The following ASIC2 variants were observed in gnomAD, a reference collection of about 807,000 sequenced individuals.
The protein encoded by ASIC2 is acid-sensing ion channel 2.
In ASIC2, 25 loss-of-function variants were observed where a neutral mutation model predicts 57.3. The observed-to-expected ratio is 0.44, with a 90% CI of 0.32 to 0.61. The LOEUF is 0.61. Ranked by LOEUF, ASIC2 falls within the 20% of genes least tolerant of loss-of-function variation. ASIC2 has a pLI of 0.06. For synonymous variants in ASIC2, 319 were observed against 307.5 expected (o/e 1.04, Z -0.39); for missense variants, 641 against 738.1 (o/e 0.87, Z 1.52).
At chr17:33,599,726 G>C (rs1028075263) in intron 1 of ASIC2, among the ~76,000 whole-genome samples, 1 of 152,162 alleles carries the variant, frequency 6.6e-6, no homozygotes, top group Non-Finnish European at 1.5e-5. Flanking sequence ...GGGCTGTTCT[G>C]TGCTGAGGAG....
intron 1 of ASIC2, among the ~76,000 whole-genome samples, chr17:34,022,165 C>G (rs1475121832): frequency 6.6e-6 from 1 of 152,158 alleles, no homozygotes. Flanking sequence ...TTAAGCACCA[C>G]TTCCCTGGGG....
chr17:33,732,310 T>C (rs1165993132), intron 1 of ASIC2, among the ~76,000 whole-genome samples: 1 of 152,164 alleles, frequency 6.6e-6, no homozygotes, highest in Admixed American at 6.5e-5. Flanking sequence ...TTTTCTGAAT[T>C]CTTCCTTCAT....
At chr17:34,069,836 G>GA (rs1296483443) in intron 1 of ASIC2, 2 of 152,156 alleles carry the variant, frequency 1.3e-5, no homozygotes, top group Non-Finnish European at 2.9e-5. Flanking sequence ...TTTGAAAGTA[G>GA]AAAAAGCATG....
chr17:33,384,469 C>T lies in ASIC2; in HGVS notation c.556-272402G>A, dbSNP rs151245142. On this transcript the variant is annotated intron_variant, in intron 1 of 9. Transcript: ENST00000359872. Reference sequence around the variant, plus strand: ...AGTGTTATGGGAGGGATTATGATGTCGGAGGGAAGTATCAACTTCCAGGTG... The same window carrying T: ...AGTGTTATGGGAGGGATTATGATGTTGGAGGGAAGTATCAACTTCCAGGTG... Among the ~76,000 whole-genome samples the T allele has an allele frequency of 2.2e-4, 34 of 152,082 alleles. 1 individual carries two copies. The highest frequency in any genetic ancestry group is 8.3e-4 in the South Asian group (4 of 4,810).
rs114551602 is a variant in ASIC2, at chr17:34,056,555, A to G, written c.555+99423T>C. Reference sequence around the variant, plus strand: ...AGTAGCAGTACAATGGAAACAACTCAGATATTTTCTATGCCTGAGAAAATA... The same window carrying G: ...AGTAGCAGTACAATGGAAACAACTCGGATATTTTCTATGCCTGAGAAAATA... On this transcript the variant is annotated intron_variant, in intron 1 of 9. Coordinates refer to the ASIC2 transcript ENST00000359872. Among the ~76,000 whole-genome samples the G allele has an allele frequency of 2.9e-3, 445 of 152,350 alleles. 3 individuals carry two copies. Among genetic ancestry groups the G allele is most frequent in the African/African-American group, 0.01 (424 of 41,584 alleles).
rs150631383 is a variant in ASIC2 at position 33,364,379 on chromosome 17, A to G, written c.556-252312T>C. Among the ~76,000 whole-genome samples the G allele has an allele frequency of 4.4e-3, 675 of 152,220 alleles. 3 individuals carry two copies. The highest frequency in any genetic ancestry group is 0.017 in the Middle Eastern group (5 of 294). On this transcript the variant is annotated intron_variant, in intron 1 of 9. Coordinates refer to the ASIC2 transcript ENST00000359872. ...GGGTCAAAATGGGACTTACAAACCA[A>G]CTTCTGACTCCACTAATTTTTCTTG...
At chr17:33,718,146 C>A (rs1371000268) in intron 1 of ASIC2, among the ~76,000 whole-genome samples, 2 of 152,076 alleles carry the variant, frequency 1.3e-5, no homozygotes, top group African/African-American at 4.8e-5. Flanking sequence ...ATAACCTACA[C>A]ACATGCTCCT....
chr17:34,108,492 C>G (rs1450580347), intron 1 of ASIC2, among the ~76,000 whole-genome samples: 1 of 152,090 alleles, frequency 6.6e-6, no homozygotes, highest in Admixed American at 6.6e-5. Flanking sequence ...ATAACTTACC[C>G]TATTACCCTA....
intron 1 of ASIC2, among the ~76,000 whole-genome samples, chr17:34,136,425 T>C (rs1912128412): frequency 6.6e-6 from 1 of 152,200 alleles, no homozygotes; most frequent in Non-Finnish European, 1.5e-5. Flanking sequence ...CTGAAGCCCC[T>C]TACCTAGAGG....
intron 2 of ASIC2, among the ~76,000 whole-genome samples, chr17:33,101,289 C>A (rs1164310496): frequency 6.6e-6 from 1 of 152,202 alleles, no homozygotes; most frequent in African/African-American, 2.4e-5. Context: ...GTGATAGCTG[C>A]TCAGGCCTTC....
At chr17:33,635,144 G>T (rs1435996971) in intron 1 of ASIC2, 1 of 74,912 alleles carries the variant, frequency 1.3e-5, no homozygotes, top group Non-Finnish European at 3.1e-5. Context: ...TAAATCAAAC[G>T]AGTACATGGT....
At chr17:33,242,009 C>T (rs899109557) in intron 1 of ASIC2, among the ~76,000 whole-genome samples, 6 of 152,122 alleles carry the variant, frequency 3.9e-5, no homozygotes, top group Admixed American at 6.5e-5. Flanking sequence ...ACTTTAACTC[C>T]GAACCTACAC....
intron 1 of ASIC2, among the ~76,000 whole-genome samples, chr17:33,415,095 G>A (rs769155837): frequency 5.5e-4 from 84 of 152,254 alleles, no homozygotes; most frequent in Non-Finnish European, 9.6e-4. Flanking sequence ...CCTTCCCTTT[G>A]GCTGCACTGA....
intron 1 of ASIC2, among the ~76,000 whole-genome samples, chr17:34,110,719 C>T (rs11868933): frequency 0.049 from 7,459 of 152,282 alleles, 577 homozygotes; most frequent in African/African-American, 0.16. Flanking sequence ...ATAGTGTTTC[C>T]TGTCAAGAAT....
At chr17:33,715,012 A>T (rs909266326) in intron 1 of ASIC2, among the ~76,000 whole-genome samples, 1 of 149,314 alleles carries the variant, frequency 6.7e-6, no homozygotes, top group Non-Finnish European at 1.5e-5. Context: ...TATTATTATT[A>T]TTTTGAGTCA....
At chr17:34,066,946 T>C (rs562921735) in intron 1 of ASIC2, among the ~76,000 whole-genome samples, 13 of 152,330 alleles carry the variant, frequency 8.5e-5, no homozygotes, top group Non-Finnish European at 1.6e-4. Flanking sequence ...AAAGCCCCTG[T>C]GTCTAACCTC....
chr17:33,277,980 T>C (rs1375495656), intron 1 of ASIC2, among the ~76,000 whole-genome samples: 1 of 152,186 alleles, frequency 6.6e-6, no homozygotes, highest in Non-Finnish European at 1.5e-5. Flanking sequence ...TGACTGGAAT[T>C]GGGTTTTCCA....
intron 1 of ASIC2, among the ~76,000 whole-genome samples, chr17:33,509,741 G>T (rs1914373846): frequency 6.6e-6 from 1 of 152,198 alleles, no homozygotes; most frequent in Non-Finnish European, 1.5e-5. Flanking sequence ...CTTAGGAAAA[G>T]AATATTTCAG....
At chr17:33,074,899 C>T (rs1221149257) in intron 3 of ASIC2, among the ~76,000 whole-genome samples, 5 of 151,914 alleles carry the variant, frequency 3.3e-5, no homozygotes, top group Non-Finnish European at 7.4e-5. Flanking sequence ...CGTGGTGGCT[C>T]CACTCAATGA....
Sources: allele counts gnomAD v4.1 joint callset (sites outside exome capture counted in the v4.1 genomes callset), GRCh38; gene constraint gnomAD v4.1.1; transcripts MANE v1.5; gene names NCBI Gene and HGNC (gene_info 2026-07-23, HGNC 2026-07-21).